Variants in SYNPO observed in about 807,000 individuals in gnomAD.
SYNPO encodes the protein synaptopodin.
SYNPO carries 19 observed loss-of-function variants against 49.5 expected under a neutral mutation model. That is an observed-to-expected ratio of 0.38 (90% CI 0.27 to 0.56). The LOEUF is 0.56. SYNPO is among the 20% of genes least tolerant of loss of function. SYNPO has a pLI of 0.68. For missense variants in SYNPO, 1,131 were observed against 1,248.3 expected, an observed-to-expected ratio of 0.91 and a Z score of 1.42; for synonymous variants, 536 against 548.0, an observed-to-expected ratio of 0.98 and a Z score of 0.31.
At chr5:150,595,288 A>C in the SYNPO span, among the ~76,000 whole-genome samples, 1 of 152,234 alleles carries the variant, frequency 6.6e-6, no homozygotes, top group African/African-American at 2.4e-5. Context: ...AACACATAGA[A>C]TCACCAAGTA....
At chr5:150,645,366 G>A (rs1369853770) in intron 1 of SYNPO, among the ~76,000 whole-genome samples, 1 of 152,162 alleles carries the variant, frequency 6.6e-6, no homozygotes, top group East Asian at 1.9e-4. Flanking sequence ...AATGGAGGGA[G>A]GAATTTTCTT....
In SYNPO at chr5:150,619,757, C is replaced by T. The variant is rs539050223; in HGVS notation, c.400+990C>T. On this transcript the variant is annotated intron_variant, in intron 2 of 2. Transcript: ENST00000394243. ...GAACACTTCATTTCTCTGCAGGCGT[C>T]GTTGACGCCCGGCTGGCATCTCACC... 5.3e-5 allele frequency among the ~76,000 whole-genome samples: 8 copies of T among 152,302 alleles called. No individual in the cohort carries two copies. In the South Asian group the frequency reaches 1.0e-3, roughly 20 times the overall value.
intron 1 of SYNPO, among the ~76,000 whole-genome samples, chr5:150,603,605 A>T (rs773008480): frequency 2.6e-5 from 4 of 152,214 alleles, no homozygotes; most frequent in Non-Finnish European, 5.9e-5. Flanking sequence ...AGCTCTCGGG[A>T]CCATTCTTTC....
intron 1 of SYNPO, among the ~76,000 whole-genome samples, chr5:150,647,244 CAAA>C (rs34332479): frequency 4.7e-5 from 4 of 85,654 alleles, no homozygotes; most frequent in Non-Finnish European, 8.5e-5. Flanking sequence ...AACTCCTTCT[CAAA>C]AAAAAAAAAA....
chr5:150,637,452 A>G (rs1051793382), upstream of SYNPO, among the ~76,000 whole-genome samples: 1 of 152,250 alleles, frequency 6.6e-6, no homozygotes, highest in Non-Finnish European at 1.5e-5. Context: ...GTGCTCAGTA[A>G]GCAGCAACTT....
At chr5:150,632,458 T>C (rs1459187594) in intron 2 of SYNPO, among the ~76,000 whole-genome samples, 1 of 152,230 alleles carries the variant, frequency 6.6e-6, no homozygotes, top group African/African-American at 2.4e-5. Context: ...ACTGTATATT[T>C]ATTCATCCCA....
chr5:150,589,415 C>T, the SYNPO span, among the ~76,000 whole-genome samples: 3 of 152,148 alleles, frequency 2.0e-5, no homozygotes, highest in African/African-American at 4.8e-5. Context: ...TGGTTTTACC[C>T]CCACTTACTG....
the SYNPO span, among the ~76,000 whole-genome samples, chr5:150,590,974 C>G: frequency 3.3e-5 from 5 of 152,270 alleles, no homozygotes; most frequent in East Asian, 7.7e-4. Context: ...TTTTCTGCCC[C>G]CCTCCCAGCC....
upstream of SYNPO, among the ~76,000 whole-genome samples, chr5:150,639,704 C>T (rs1238685798): frequency 6.6e-6 from 1 of 152,182 alleles, no homozygotes; most frequent in African/African-American, 2.4e-5. Flanking sequence ...CATGTTAAAC[C>T]CTTGGCTTGG....
intron 2 of SYNPO, among the ~76,000 whole-genome samples, chr5:150,631,086 A>G (rs941634685): frequency 6.6e-6 from 1 of 152,186 alleles, no homozygotes; most frequent in Non-Finnish European, 1.5e-5. Context: ...ACATGGGAGC[A>G]TGAAGGCAGG....
chr5:150,624,114 C>A (rs1757267490), intron 2 of SYNPO, among the ~76,000 whole-genome samples: 1 of 152,262 alleles, frequency 6.6e-6, no homozygotes, highest in Non-Finnish European at 1.5e-5. Context: ...AGCCCCAGAG[C>A]TGCCATACAG....
At chr5:150,624,798 C>A (rs936243241) in intron 2 of SYNPO, 3 of 951,858 alleles carry the variant, frequency 3.2e-6, no homozygotes, top group Admixed American at 6.3e-5. Flanking sequence ...CTGGGCCTGG[C>A]GCGGGGCGGG....
At position 150,656,445 on chromosome 5, in the gene SYNPO, G is replaced by C; in HGVS notation, c.2070G>C (p.Pro690=). The part of the protein sequence containing the change: ...ESLPTSPPWT[P]GASRPPSSLD... Reference sequence around the variant, plus strand: ...TGCCCACCTCCCCACCCTGGACGCCGGGCGCGTCCCGGCCCCCCAGCAGCC... The same window carrying C: ...TGCCCACCTCCCCACCCTGGACGCCCGGCGCGTCCCGGCCCCCCAGCAGCC... Residue 690 remains proline, a synonymous_variant, in exon 3 of 3, where the codon CCG becomes CCC. Transcript: ENST00000307662. 2 of 1,531,972 alleles carry C rather than the reference G, an allele frequency of 1.3e-6. No homozygotes were observed. The highest frequency in any genetic ancestry group is 1.7e-6 in the Non-Finnish European group (2 of 1,145,258). The allele number at this position is 1,531,972 out of a possible 1,614,324, so 94.9% of individuals were successfully genotyped here.
At chr5:150,602,995 A>AGGGGG (rs373724432) in intron 1 of SYNPO, among the ~76,000 whole-genome samples, 25 of 87,430 alleles carry the variant, frequency 2.9e-4, no homozygotes, top group African/African-American at 1.1e-3. Context: ...TTGCCACCTT[A>AGGGGG]GGGTGTGTGT....
chr5:150,586,559 CGGGT>C, the SYNPO span, among the ~76,000 whole-genome samples: 1 of 142,184 alleles, frequency 7.0e-6, no homozygotes, highest in African/African-American at 2.9e-5. Flanking sequence ...GATACATGGA[CGGGT>C]GGATGGAAGG....
chr5:150,633,329 A>G (rs1014687374), intron 2 of SYNPO, among the ~76,000 whole-genome samples: 1 of 152,242 alleles, frequency 6.6e-6, no homozygotes, highest in Non-Finnish European at 1.5e-5. Flanking sequence ...AAAGGTCACC[A>G]TAGCTAGTGA....
intron 2 of SYNPO, 122 bp downstream of exon 2, chr5:150,650,425 TGAG>T (rs1297048870): frequency 8.0e-5 from 125 of 1,552,832 alleles, no homozygotes; most frequent in Non-Finnish European, 1.0e-4. Context: ...CAGAGCTGAG[TGAG>T]GAGAATGGGG....
At chr5:150,602,732 G>T (rs1001384492) in intron 1 of SYNPO, among the ~76,000 whole-genome samples, 21 of 151,868 alleles carry the variant, frequency 1.4e-4, no homozygotes, top group Non-Finnish European at 2.4e-4. Flanking sequence ...GTAGAGACAG[G>T]GTCTCACTAT....
chr5:150,610,734 G>A (rs1756823097), intron 1 of SYNPO, among the ~76,000 whole-genome samples: 1 of 152,164 alleles, frequency 6.6e-6, no homozygotes, highest in Admixed American at 6.5e-5. Context: ...TGCATATCAT[G>A]TGTTTTACAG....
Sources: allele counts gnomAD v4.1 joint callset (sites outside exome capture counted in the v4.1 genomes callset), GRCh38; gene constraint gnomAD v4.1.1; transcripts MANE v1.5; gene names NCBI Gene and HGNC (gene_info 2026-07-23, HGNC 2026-07-21).